CARD19: variants seen among roughly 807,000 people sequenced by gnomAD.
The protein encoded by CARD19 is caspase recruitment domain-containing protein 19.
A neutral mutation model predicts 24.1 loss-of-function variants in CARD19; 25 were observed. That is an observed-to-expected ratio of 1.04 (90% CI 0.76 to 1.45). CARD19 has a LOEUF of 1.45. CARD19 is among the 40% of genes most tolerant of loss of function. The pLI is 0.00. For synonymous variants in CARD19, 103 were observed against 104.9 expected, an observed-to-expected ratio of 0.98 and a Z score of 0.11; for missense variants, 241 against 247.4, an observed-to-expected ratio of 0.97 and a Z score of 0.17.
intron 2 of CARD19, chr9:93,110,348 C>G: frequency 1.4e-6 from 1 of 699,124 alleles, no homozygotes; most frequent in Non-Finnish European, 2.3e-6. Flanking sequence ...CCTCCCACCC[C>G]ACAGGGAGTA....
rs1034607141 is a variant in CARD19, at chr9:93,096,744, C to T, written c.7+392C>T. ...GAGTAGGAGGTGGTAGAAATGACAC[C>T]GGAGAGAATTCACAGCGGTCCTGCT... On this transcript the variant is annotated intron_variant, in intron 1 of 5. Transcript: ENST00000375464. The surrounding 1 kb of genome is among the most constrained non-coding windows in gnomAD (Gnocchi z 5.4). Among the ~76,000 whole-genome samples the T allele has an allele frequency of 1.3e-5, 2 of 152,152 alleles. No homozygotes were observed. The highest frequency in any genetic ancestry group is 2.1e-4 in the South Asian group (1 of 4,822).
Position 93,096,270 on chromosome 9 carries a change from C to T in CARD19, c.-76C>T, listed in dbSNP as rs1482277415. The T allele has an allele frequency of 3.3e-6, 4 of 1,217,070 alleles. No homozygotes were observed. Among genetic ancestry groups the T allele is most frequent in the East Asian group, 3.2e-5 (1 of 30,870 alleles). 75.4% of individuals were successfully genotyped at this position (1,217,070 alleles called of 1,614,324 possible). On this transcript the variant is annotated 5_prime_UTR_variant, in exon 1 of 6. Coordinates refer to ENST00000375464, the MANE Select transcript of CARD19 (RefSeq NM_032310.5). The surrounding 1 kb of genome is among the most constrained non-coding windows in gnomAD (Gnocchi z 5.4). Reference sequence around the variant, plus strand: ...GGCGGCGTTCGCTGGAGCTGGTGGACCGGGCGGCTGACCGAGGGGCGGACG... The same window carrying T: ...GGCGGCGTTCGCTGGAGCTGGTGGATCGGGCGGCTGACCGAGGGGCGGACG...
chr9:93,098,151 G>A lies in CARD19; in HGVS notation c.7+1799G>A, dbSNP rs78172718. On this transcript the variant is annotated intron_variant, in intron 1 of 5. Transcript: ENST00000375464. ...CTGTGCCGGGGAGTGAGCAGTTTTAGTTGGGCTGAGCACTGAGAGAAGGGG... is the reference window on the plus strand; with the variant it reads ...CTGTGCCGGGGAGTGAGCAGTTTTAATTGGGCTGAGCACTGAGAGAAGGGG... 4.8e-3 allele frequency among the ~76,000 whole-genome samples: 734 copies of A among 152,362 alleles called. 7 individuals carry two copies. Among genetic ancestry groups the A allele is most frequent in the African/African-American group, 0.016 (675 of 41,592 alleles).
chr9:93,099,469 A>G (rs1826999480), intron 1 of CARD19, among the ~76,000 whole-genome samples: 2 of 152,070 alleles, frequency 1.3e-5, no homozygotes, highest in African/African-American at 2.4e-5. Context: ...CAGGTACCTT[A>G]TCTTCTCACT....
At chr9:93,099,470 T>C (rs555674673) in intron 1 of CARD19, among the ~76,000 whole-genome samples, 1 of 152,344 alleles carries the variant, frequency 6.6e-6, no homozygotes, top group South Asian at 2.1e-4. Flanking sequence ...AGGTACCTTA[T>C]CTTCTCACTG....
In CARD19 at chr9:93,103,066, A is replaced by G. The variant is rs183137879; in HGVS notation, c.8-4608A>G. Among the ~76,000 whole-genome samples, 3 of 152,362 alleles carry G rather than the reference A, an allele frequency of 2.0e-5. No homozygotes were observed. The East Asian group carries it at 5.8e-4, about 29-fold the overall frequency. Reference sequence around the variant, plus strand: ...TATATATAAAATCATGTCATCTGTGAACAGAGAAAATTTTACTTCTTCCTT... The same window carrying G: ...TATATATAAAATCATGTCATCTGTGGACAGAGAAAATTTTACTTCTTCCTT... On this transcript the variant is annotated intron_variant, in intron 1 of 5. Coordinates refer to ENST00000375464, the MANE Select transcript of CARD19 (RefSeq NM_032310.5).
chr9:93,105,724 A>G (rs1827229266), intron 1 of CARD19, among the ~76,000 whole-genome samples: 1 of 152,172 alleles, frequency 6.6e-6, no homozygotes, highest in African/African-American at 2.4e-5. Context: ...TGTGGCTACA[A>G]ACTTGTTTTG....
In CARD19 at chr9:93,113,135, C is replaced by T; in HGVS notation, c.*28C>T. On this transcript the variant is annotated 3_prime_UTR_variant, in exon 6 of 6. Coordinates refer to ENST00000375464, the MANE Select transcript of CARD19 (RefSeq NM_032310.5). ...GACCCTGGACCCAGGGCCTCACCTG[C>T]CACTCAACCAAAGAGTCCTCGAGCC... 6.8e-7 allele frequency: 1 copy of T among 1,464,274 alleles called. No homozygotes were observed. Among genetic ancestry groups the T allele is most frequent in the Non-Finnish European group, 9.3e-7 (1 of 1,076,536 alleles). 90.7% of individuals were successfully genotyped at this position (1,464,274 alleles called of 1,614,324 possible).
At chr9:93,102,078 CAGCCTCCCAAGTAGTT>C (rs1286702787) in intron 1 of CARD19, among the ~76,000 whole-genome samples, 2 of 151,874 alleles carry the variant, frequency 1.3e-5, no homozygotes, top group Non-Finnish European at 2.9e-5. Flanking sequence ...TCTCCTGCCT[CAGCCTCCCAAGTAGTT>C]GGGATTACAG....
chr9:93,107,514 G>A (rs776087663), intron 1 of CARD19, among the ~76,000 whole-genome samples, 160 bp from the exon 2 acceptor site: 27 of 152,270 alleles, frequency 1.8e-4, no homozygotes, highest in Non-Finnish European at 2.9e-5. Flanking sequence ...TGGGCAATGC[G>A]CACCACACAG....
At position 93,096,489 on chromosome 9, in the gene CARD19, T is replaced by C; in HGVS notation, c.7+137T>C. 4.8e-6 allele frequency: 4 copies of C among 830,166 alleles called. No individual in the cohort carries two copies. The highest frequency in any genetic ancestry group is 6.4e-6 in the Non-Finnish European group (4 of 626,302). 51.4% of individuals were successfully genotyped at this position (830,166 alleles called of 1,614,324 possible). The stretch of plus-strand genomic sequence containing the variant: ...GGCCGAGTGACCTTGGCCCGTCAGC[T>C]GTCGGTGGTGCGCGAGTGCACCCCC... On this transcript the variant is annotated intron_variant, in intron 1 of 5. Transcript: ENST00000375464. The surrounding 1 kb of genome is among the most constrained non-coding windows in gnomAD (Gnocchi z 5.4).
rs201271055 is a variant in CARD19 at position 93,110,592 on chromosome 9, C to T, written c.175C>T (p.Arg59Cys). ...GTTCCGGAACCCCAAGGCATCCTTGCGTGTGCGGCTCTGTGACCTCCTGAG... is the reference window on the plus strand; with the variant it reads ...GTTCCGGAACCCCAAGGCATCCTTGTGTGTGCGGCTCTGTGACCTCCTGAG... ...EKFRNPKASL[R>C]VRLCDLLSHL... is the part of the protein sequence containing the mutation. Residue 59 changes from arginine to cysteine, a missense_variant, in exon 3 of 6, where the codon CGT (arginine) becomes TGT (cysteine). By Grantham distance (180) the Arg-to-Cys change is radical. Coordinates refer to ENST00000375464, the MANE Select transcript of CARD19 (RefSeq NM_032310.5). The T allele has an allele frequency of 2.3e-5, 37 of 1,610,182 alleles. No individual in the cohort carries two copies. The highest frequency in any genetic ancestry group is 1.6e-4 in the African/African-American group (12 of 74,970).
At chr9:93,110,848 C>T (rs752270083) in intron 3 of CARD19, 127 bp downstream of exon 3, 11 of 1,534,946 alleles carry the variant, frequency 7.2e-6, no homozygotes, top group East Asian at 2.4e-5. Context: ...CTGGCATCCC[C>T]TCTCGCCTCA....
In CARD19 at chr9:93,096,347, TGACAG is replaced by T; in HGVS notation, c.4_7+1del. On this transcript the variant is annotated frameshift_variant and start_lost and splice_region_variant, in exon 1 of 6. Transcript: ENST00000375464. LOFTEE classifies it high-confidence loss of function. The surrounding 1 kb of genome is among the most constrained non-coding windows in gnomAD (Gnocchi z 5.4). ...GCGGGCGGCGCTGTGTCCGTCGCCA[TGACAG>T]GTGGGCACGGGGTCGGCTGGGCGGC... is the stretch of plus-strand genomic sequence containing the variant. 8.2e-7 allele frequency: 1 copy of T among 1,225,948 alleles called. No homozygotes were observed. Among genetic ancestry groups the T allele is most frequent in the Non-Finnish European group, 1.0e-6 (1 of 984,126 alleles). 75.9% of individuals were successfully genotyped at this position (1,225,948 alleles called of 1,614,324 possible). A position where few individuals can be genotyped will look rare whatever the true frequency, so the allele number is the denominator to read the frequency against.
At chr9:93,110,769 G>T in intron 3 of CARD19, 48 bp downstream of exon 3, 1 of 1,574,570 alleles carries the variant, frequency 6.4e-7, no homozygotes. Flanking sequence ...GGCCCGGGGA[G>T]GGCACCCCAG....
At chr9:93,112,590 T>A (rs1315366390) in intron 5 of CARD19, among the ~76,000 whole-genome samples, 1 of 152,212 alleles carries the variant, frequency 6.6e-6, no homozygotes, top group Admixed American at 6.5e-5. Context: ...TTGAACCATG[T>A]GGGGCCCTTG....
chr9:93,101,164 G>T (rs748820357), intron 1 of CARD19, among the ~76,000 whole-genome samples: 1 of 151,274 alleles, frequency 6.6e-6, no homozygotes, highest in Admixed American at 6.6e-5. Context: ...TGCAACCTCC[G>T]CCTCCTGGGT....
chr9:93,112,053 C>A, intron 4 of CARD19, 115 bp downstream of exon 4: 1 of 1,433,536 alleles, frequency 7.0e-7, no homozygotes, highest in Non-Finnish European at 9.4e-7. Context: ...TGGCTCCATT[C>A]CTGGCCTTCT....
Position 93,112,231 on chromosome 9 carries a change from C to T in CARD19, c.378C>T (p.Phe126=), listed in dbSNP as rs551947055. 5.2e-6 allele frequency: 8 copies of T among 1,545,174 alleles called. No homozygotes were observed. In the South Asian group the frequency reaches 8.3e-5, roughly 16 times the overall value. The change falls in exon 5 of 6, where the codon TTC becomes TTT. Residue 126 remains phenylalanine (F), a synonymous_variant. Coordinates refer to ENST00000375464, the MANE Select transcript of CARD19 (RefSeq NM_032310.5). ...GELSNRGPMS[F]LAGLGLAVGL... Reference sequence around the variant, plus strand: ...GTTTCTCCCCAGGACCCATGAGCTTCCTGGCTGGCCTGGGCCTTGCTGTGG... The same window carrying T: ...GTTTCTCCCCAGGACCCATGAGCTTTCTGGCTGGCCTGGGCCTTGCTGTGG...
Sources: gnomAD v4.1 joint callset for allele counts (sites outside exome capture counted in the v4.1 genomes callset) on GRCh38, gnomAD v4.1.1 for gene constraint, Gnocchi (gnomAD v3.1) non-coding constraint, MANE v1.5 for transcripts, NCBI Gene and HGNC (gene_info 2026-07-23, HGNC 2026-07-21) for gene names.